MICAL2: variants seen among roughly 807,000 people sequenced by gnomAD.
MICAL2 encodes [F-actin]-monooxygenase MICAL2.
MICAL2 carries 77 observed loss-of-function variants against 127.3 expected under a neutral mutation model. The ratio of observed to expected loss-of-function variants is 0.60; its 90% CI spans 0.50 to 0.73. MICAL2 has a LOEUF of 0.73. MICAL2 is among the 30% of genes least tolerant of loss of function. The probability of loss-of-function intolerance (pLI) is 0.00; values close to 1 mark genes in which losing one functional copy is unlikely to be tolerated. For missense variants in MICAL2, 1,351 were observed against 1,434.4 expected, an observed-to-expected ratio of 0.94 and a Z score of 0.94; for synonymous variants, 570 against 551.1, an observed-to-expected ratio of 1.03 and a Z score of -0.48.
At chr11:12,344,276 A>C (rs1394883525) in intron 32 of MICAL2, among the ~76,000 whole-genome samples, 2 of 152,120 alleles carry the variant, frequency 1.3e-5, no homozygotes, top group Admixed American at 6.5e-5. Context: ...AGCCTGGGTG[A>C]CAGGGTGAGA....
chr11:12,253,365 G>T (rs1000874028), intron 22 of MICAL2: 2 of 152,276 alleles, frequency 1.3e-5, no homozygotes, highest in Non-Finnish European at 2.9e-5. Context: ...TCCCCATCCT[G>T]TCCTACCTGC....
intron 3 of MICAL2, among the ~76,000 whole-genome samples, chr11:12,201,526 C>G (rs1374970689): frequency 6.6e-6 from 1 of 151,764 alleles, no homozygotes; most frequent in Non-Finnish European, 1.5e-5. Flanking sequence ...TAGTCAGATC[C>G]CCCAGGCAAA....
chr11:12,351,537 G>A (rs1589923771), intron 33 of MICAL2, among the ~76,000 whole-genome samples: 1 of 152,168 alleles, frequency 6.6e-6, no homozygotes, highest in African/African-American at 2.4e-5. Flanking sequence ...CCTTGCCCTA[G>A]AACTATGGCA....
intron 29 of MICAL2, among the ~76,000 whole-genome samples, chr11:12,318,427 G>T (rs958895739): frequency 4.6e-5 from 7 of 152,100 alleles, no homozygotes; most frequent in African/African-American, 1.7e-4. Context: ...CAGAAAACAG[G>T]GATGTTTTGC....
At chr11:12,247,669 ACT>A (rs1413325793) in intron 21 of MICAL2, among the ~76,000 whole-genome samples, 1 of 151,996 alleles carries the variant, frequency 6.6e-6, no homozygotes, top group Non-Finnish European at 1.5e-5. Flanking sequence ...CACTCCCCAA[ACT>A]CTGCCCCACC....
chr11:12,239,740 G>A, intron 17 of MICAL2, among the ~76,000 whole-genome samples, 155 bp downstream of exon 17: 1 of 152,226 alleles, frequency 6.6e-6, no homozygotes, highest in East Asian at 1.9e-4. Context: ...TTTTCTATAA[G>A]AGGCCAGATA....
At chr11:12,335,386 T>C (rs530906992) in intron 32 of MICAL2, among the ~76,000 whole-genome samples, 18 of 151,988 alleles carry the variant, frequency 1.2e-4, no homozygotes, top group African/African-American at 3.4e-4. Context: ...GCAAAAATTT[T>C]CTCCCATTCT....
At chr11:12,310,667 G>A (rs1864163501) in intron 29 of MICAL2, among the ~76,000 whole-genome samples, 1 of 151,920 alleles carries the variant, frequency 6.6e-6, no homozygotes, top group South Asian at 2.1e-4. Context: ...GTCTTTCGTG[G>A]TTCTGTACAA....
chr11:12,141,176 C>G (rs2133628047), intron 2 of MICAL2, among the ~76,000 whole-genome samples: 1 of 152,230 alleles, frequency 6.6e-6, no homozygotes, highest in South Asian at 2.1e-4. Flanking sequence ...CTCTTGAGGT[C>G]AACAGAATAG....
intron 29 of MICAL2, among the ~76,000 whole-genome samples, chr11:12,317,791 C>CAA (rs34962883): frequency 1.4e-3 from 188 of 130,740 alleles, no homozygotes; most frequent in South Asian, 4.7e-3. Flanking sequence ...GACTCCGTCT[C>CAA]AAAAAAAAAA....
At chr11:12,311,870 A>G (rs1401175380) in intron 29 of MICAL2, among the ~76,000 whole-genome samples, 2 of 152,102 alleles carry the variant, frequency 1.3e-5, no homozygotes, top group Non-Finnish European at 2.9e-5. Flanking sequence ...ATAACCTAGA[A>G]CTGTTTTTGT....
At chr11:12,357,982 T>C (rs1033228767) in intron 34 of MICAL2, among the ~76,000 whole-genome samples, 7 of 152,208 alleles carry the variant, frequency 4.6e-5, no homozygotes, top group African/African-American at 1.7e-4. Flanking sequence ...TTTTGTTAGC[T>C]TCTCTTTGGG....
At chr11:12,175,121 TA>T (rs57068512) in intron 3 of MICAL2, among the ~76,000 whole-genome samples, 111 of 145,594 alleles carry the variant, frequency 7.6e-4, no homozygotes, top group East Asian at 2.4e-3. Flanking sequence ...AGACTCTGCT[TA>T]AAAAAAAAAA....
chr11:12,280,283 A>G (rs1280456825), intron 1 of MICAL2, among the ~76,000 whole-genome samples: 3 of 152,126 alleles, frequency 2.0e-5, no homozygotes, highest in Non-Finnish European at 4.4e-5. Context: ...AGACCTTAGG[A>G]GTCATGCTCC....
Position 12,255,677 on chromosome 11 carries a change from C to T in MICAL2, c.2882C>T (p.Ala961Val). The T allele has an allele frequency of 6.2e-7, 1 of 1,614,088 alleles. No homozygotes were observed. ...TVGKVSSGIG[A>V]AAEVLVNLYM... ...GGGAAAGTGTCCAGCGGAATAGGGGCTGCAGCTGAAGTCCTGGTCAATCTG... is the reference window on the plus strand; with the variant it reads ...GGGAAAGTGTCCAGCGGAATAGGGGTTGCAGCTGAAGTCCTGGTCAATCTG... Residue 961 changes from alanine to valine, a missense_variant, in exon 23 of 28, where the codon GCT (alanine) becomes GTT (valine). By Grantham distance (64) the Ala-to-Val change is moderately conservative. Around this residue, in one of 2 missense-constraint regions of MICAL2, gnomAD observed 752 missense variants for 719.4 expected, o/e 1.05. Coordinates refer to ENST00000683283, the MANE Select transcript of MICAL2 (RefSeq NM_001282663.2).
chr11:12,230,417 C>G (rs1006435336), intron 15 of MICAL2, among the ~76,000 whole-genome samples: 1 of 152,154 alleles, frequency 6.6e-6, no homozygotes, highest in Non-Finnish European at 1.5e-5. Context: ...TGCTCATCAG[C>G]CCTTCTGGAG....
intron 3 of MICAL2, among the ~76,000 whole-genome samples, chr11:12,202,614 C>T (rs909790711): frequency 2.0e-5 from 3 of 152,204 alleles, no homozygotes; most frequent in Non-Finnish European, 4.4e-5. Context: ...GCTTTTCCGT[C>T]TGGGCTCCAG....
At chr11:12,254,649 G>T (rs537046116) in intron 22 of MICAL2, 1 of 152,298 alleles carries the variant, frequency 6.6e-6, no homozygotes, top group Admixed American at 6.5e-5. Flanking sequence ...CCCCAGGGCT[G>T]GGGGGCAGGA....
intron 15 of MICAL2, among the ~76,000 whole-genome samples, chr11:12,231,545 T>C (rs1858272339): frequency 6.6e-6 from 1 of 152,200 alleles, no homozygotes; most frequent in Non-Finnish European, 1.5e-5. Context: ...TCAACAACTG[T>C]TTCTTGAGTG....
Sources: allele counts gnomAD v4.1 joint callset (sites outside exome capture counted in the v4.1 genomes callset), GRCh38; gene constraint gnomAD v4.1.1; regional missense constraint gnomAD v4.1.1; transcripts MANE v1.5; gene names NCBI Gene and HGNC (gene_info 2026-07-23, HGNC 2026-07-21).